The following EN1 variants were observed in gnomAD, a reference collection of about 807,000 sequenced individuals.
EN1 encodes engrailed homeobox 1, also known as homeobox protein engrailed-1.
Under a neutral mutation model 22.9 loss-of-function variants are expected in EN1, and 8 were observed. The observed-to-expected ratio is 0.35, with a 90% CI of 0.20 to 0.63. EN1 has a LOEUF of 0.63. Among genes scored for constraint, EN1 ranks in the 20% least tolerant of loss-of-function variants. EN1 has a pLI of 0.73. For missense variants in EN1, 521 were observed against 572.1 expected, an observed-to-expected ratio of 0.91 and a Z score of 0.91; for synonymous variants, 287 against 262.5, an observed-to-expected ratio of 1.09 and a Z score of -0.90.
At chr2:118,844,244 A>G (rs528113831) in intron 1 of EN1, 289 of 152,220 alleles carry the variant, frequency 1.9e-3, no homozygotes, top group Middle Eastern at 6.8e-3. Context: ...TGACATTTGC[A>G]AGGAGACTGC....
In EN1 at chr2:118,847,092, C is replaced by T. The variant is rs949293245; in HGVS notation, c.76G>A (p.Gly26Ser). 2.8e-6 allele frequency: 4 copies of T among 1,412,116 alleles called. No individual in the cohort carries two copies. Among genetic ancestry groups the T allele is most frequent in the African/African-American group, 3.0e-5 (2 of 66,512 alleles). 87.5% of individuals were successfully genotyped at this position (1,412,116 alleles called of 1,614,324 possible). A position where few individuals can be genotyped will look rare whatever the true frequency, so the allele number is the denominator to read the frequency against. Residue 26 changes from glycine to serine, a missense_variant, in exon 1 of 2, where the codon GGC (glycine) becomes AGC (serine). This residue lies in a region of EN1 where 436 missense variants were observed against 410.1 expected (regional missense o/e 1.06). Transcript: ENST00000295206. ...CCCGGACTGAGGCTCAGGCTGAGGC[C>T]GCCCGGAGTCGCCGCCGCCGCCGCG... ...LGAAAAATPG[G>S]LSLSLSPGAS... is the part of the protein sequence containing the mutation.
At position 118,847,146 on chromosome 2, in the gene EN1, G is replaced by T; in HGVS notation, c.22C>A (p.Pro8Thr). 1 of 1,207,190 alleles carries T rather than the reference G, an allele frequency of 8.3e-7. No homozygotes were observed. The highest frequency in any genetic ancestry group is 1.5e-5 in the South Asian group (1 of 66,598). The allele number at this position is 1,207,190 out of a possible 1,614,324, so 74.8% of individuals were successfully genotyped here. Reference protein sequence around the residue: MEEQQPEPKSQRDSALGA... With the variant: MEEQQPETKSQRDSALGA... Reference sequence around the variant, plus strand: ...AGGGCCGAGTCGCGCTGACTTTTAGGTTCCGGCTGCTGTTCTTCCATGCTC... The same window carrying T: ...AGGGCCGAGTCGCGCTGACTTTTAGTTTCCGGCTGCTGTTCTTCCATGCTC... Residue 8 changes from proline (P) to threonine (T), a missense_variant, in exon 1 of 2, where the codon CCT (proline) becomes ACT (threonine). By Grantham distance (38) the Pro-to-Thr change is conservative. Around this residue, in one of 3 missense-constraint regions of EN1, gnomAD observed 436 missense variants for 410.1 expected, o/e 1.06. Transcript: ENST00000295206.
rs186732449 is a variant in EN1 at position 118,844,997 on chromosome 2, G to A, written c.862+1309C>T. Among the ~76,000 whole-genome samples the A allele has an allele frequency of 1.1e-4, 17 of 152,378 alleles. 1 individual carries two copies. The East Asian group carries it at 3.3e-3, about 29-fold the overall frequency. ...TTCTGCATCCGGGACATGTTGAAGT[G>A]TTGTTGTATGTGTGTGCAGAGGCAC... On this transcript the variant is annotated intron_variant, in intron 1 of 1. Transcript: ENST00000295206.
Position 118,846,815 on chromosome 2 carries a change from T to C in EN1, c.353A>G (p.Lys118Arg). ...DNILRPDFGC[K>R]KEQPPPQLLV... ...AAGCTGCGGTGGCGGCTGCTCCTTT[T>C]TGCAGCCGAAGTCCGGCCTCAGGAT... The change falls in exon 1 of 2, where the codon AAA (lysine) becomes AGA (arginine). Residue 118 changes from lysine (K) to arginine (R), a missense_variant. By Grantham distance (26) the Lys-to-Arg change is conservative. Coordinates refer to ENST00000295206, the MANE Select transcript of EN1 (RefSeq NM_001426.4). This position sits in a 1 kb window ranked among gnomAD's most constrained non-coding sequence, Gnocchi z 5.0. The C allele has an allele frequency of 3.1e-6, 5 of 1,594,982 alleles. No individual in the cohort carries two copies. The highest frequency in any genetic ancestry group is 4.2e-6 in the Non-Finnish European group (5 of 1,176,858).
chr2:118,846,410 A>C lies in EN1; in HGVS notation c.758T>G (p.Met253Arg), dbSNP rs761721630. ...CACGGGCCCGCCGTTGGCTGAGCCC[A>C]TAAGTAGGATAGCCGGGTTGCCGTG... ...PEHGNPAILL[M>R]GSANGGPVVK... The change falls in exon 1 of 2, where the codon ATG becomes AGG. Residue 253 changes from methionine (M) to arginine (R), a missense_variant. Physicochemically the swap from Met to Arg is moderately conservative, Grantham distance 91 (BLOSUM62 -1). Coordinates refer to ENST00000295206, the MANE Select transcript of EN1 (RefSeq NM_001426.4). This position sits in a 1 kb window ranked among gnomAD's most constrained non-coding sequence, Gnocchi z 5.0. 1.2e-6 allele frequency: 2 copies of C among 1,613,454 alleles called. No homozygotes were observed. Among genetic ancestry groups the C allele is most frequent in the Non-Finnish European group, 1.7e-6 (2 of 1,179,910 alleles).
In EN1 at chr2:118,846,891, G is replaced by T. The variant is rs753539334; in HGVS notation, c.277C>A (p.Pro93Thr). The change falls in exon 1 of 2, where the codon CCG (proline) becomes ACG (threonine). Residue 93 changes from proline (P) to threonine (T), a missense_variant. Around this residue, in one of 3 missense-constraint regions of EN1, gnomAD observed 436 missense variants for 410.1 expected, o/e 1.06. Transcript: ENST00000295206. The surrounding 1 kb of genome is among the most constrained non-coding windows in gnomAD (Gnocchi z 5.0). The stretch of plus-strand genomic sequence containing the variant: ...CGGTGCAGCTGGGCCGCTGGCTGCG[G>T]CTGGTGAGCAGGCGCCGCGAGATGC... ...PQHLAAPAHQ[P>T]QPAAQLHRTT... 3 of 1,570,998 alleles carry T rather than the reference G, an allele frequency of 1.9e-6. No homozygotes were observed. In the African/African-American group the frequency reaches 4.2e-5, roughly 22 times the overall value.
chr2:118,846,754 T>C lies in EN1; in HGVS notation c.414A>G (p.Gly138=). Residue 138 remains glycine, a synonymous_variant, in exon 1 of 2, where the codon GGA becomes GGG. Coordinates refer to ENST00000295206, the MANE Select transcript of EN1 (RefSeq NM_001426.4). The surrounding 1 kb of genome is among the most constrained non-coding windows in gnomAD (Gnocchi z 5.0). ...CTCTGTCACGCTCGACCCGGCCTCCTCCTCCTGCGCCTCCTCTGGCCGCCG... is the reference window on the plus strand; with the variant it reads ...CTCTGTCACGCTCGACCCGGCCTCCCCCTCCTGCGCCTCCTCTGGCCGCCG... ...VAAAARGGAG[G]GGRVERDRGQ... is the part of the protein sequence containing the mutation. The C allele has an allele frequency of 6.3e-7, 1 of 1,594,526 alleles. No individual in the cohort carries two copies. The highest frequency in any genetic ancestry group is 1.3e-5 in the African/African-American group (1 of 74,538).
Position 118,846,548 on chromosome 2 carries a change from G to A in EN1, c.620C>T (p.Ala207Val), listed in dbSNP as rs1284033042. ...GGCCGCCGCCGCCGCCGCCACTGCC[G>A]CCGCGGCCGCCGCCGCCGCCGCAGC... is the stretch of plus-strand genomic sequence containing the variant. ...NPAAAAAAAAAAVAAAAAAAA... is the reference protein window; with the variant it reads ...NPAAAAAAAAVAVAAAAAAAA... The change falls in exon 1 of 2, where the codon GCG becomes GTG. Residue 207 changes from alanine to valine, a missense_variant. By Grantham distance (64) the Ala-to-Val change is moderately conservative. Transcript: ENST00000295206. The surrounding 1 kb of genome is among the most constrained non-coding windows in gnomAD (Gnocchi z 5.0). 1.2e-5 allele frequency: 14 copies of A among 1,178,908 alleles called. No individual in the cohort carries two copies. Among genetic ancestry groups the A allele is most frequent in the Non-Finnish European group, 1.5e-5 (14 of 956,436 alleles). 73.0% of individuals were successfully genotyped at this position (1,178,908 alleles called of 1,614,324 possible).
Position 118,847,070 on chromosome 2 carries a change from G to C in EN1, c.98C>G (p.Pro33Arg). The change falls in exon 1 of 2, where the codon CCG becomes CGG. Residue 33 changes from proline (P) to arginine (R), a missense_variant. Pro to Arg is a moderately radical substitution (Grantham distance 103). Transcript: ENST00000295206. The stretch of plus-strand genomic sequence containing the variant: ...GCTGCCGCTGCTGCCGCTGGCGCCC[G>C]GACTGAGGCTCAGGCTGAGGCCGCC... ...TPGGLSLSLS[P>R]GASGSSGSGS... 1 of 1,424,888 alleles carries C rather than the reference G, an allele frequency of 7.0e-7. No homozygotes were observed. Among genetic ancestry groups the C allele is most frequent in the Non-Finnish European group, 9.2e-7 (1 of 1,091,992 alleles). The allele number at this position is 1,424,888 out of a possible 1,614,324, so 88.3% of individuals were successfully genotyped here. A position where few individuals can be genotyped will look rare whatever the true frequency, so the allele number is the denominator to read the frequency against.
intron 1 of EN1, among the ~76,000 whole-genome samples, chr2:118,845,800 A>G (rs1678260177): frequency 6.6e-6 from 1 of 152,280 alleles, no homozygotes; most frequent in Middle Eastern, 3.4e-3. Flanking sequence ...ATGTTTATCA[A>G]TGTAAACGGT....
At position 118,847,176 on chromosome 2, in the gene EN1, GC is replaced by G; in HGVS notation, c.-10del. 1 of 839,378 alleles carries G rather than the reference GC, an allele frequency of 1.2e-6. No homozygotes were observed. Among genetic ancestry groups the G allele is most frequent in the Non-Finnish European group, 1.7e-6 (1 of 597,914 alleles). 52.0% of individuals were successfully genotyped at this position (839,378 alleles called of 1,614,324 possible). A position where few individuals can be genotyped will look rare whatever the true frequency, so the allele number is the denominator to read the frequency against. ...GGCTGCTGTTCTTCCATGCTCGGCC[GC>G]CCCGCCGCCCCGGCCGCCGCGCCGG... is the stretch of plus-strand genomic sequence containing the variant. On this transcript the variant is annotated 5_prime_UTR_variant, in exon 1 of 2. Coordinates refer to ENST00000295206, the MANE Select transcript of EN1 (RefSeq NM_001426.4).
rs1678287308 is a variant in EN1 at position 118,846,966 on chromosome 2, G to C, written c.202C>G (p.Leu68Val). The change falls in exon 1 of 2, where the codon CTG (leucine) becomes GTG (valine). Residue 68 changes from leucine to valine, a missense_variant. Physicochemically the swap from Leu to Val is conservative, Grantham distance 32 (BLOSUM62 1). Transcript: ENST00000295206. The surrounding 1 kb of genome is among the most constrained non-coding windows in gnomAD (Gnocchi z 5.0). ...GGGGGGAGGTGCGGGTGGTGGGCCA[G>C]GGGCGGCAGGCAAGGCGCCGCGGGC... The part of the protein sequence containing the change: ...SPPAAPCLPP[L>V]AHHPHLPPHP... The C allele has an allele frequency of 7.2e-7, 1 of 1,395,070 alleles. No individual in the cohort carries two copies. Among genetic ancestry groups the C allele is most frequent in the Non-Finnish European group, 9.2e-7 (1 of 1,084,394 alleles). The allele number at this position is 1,395,070 out of a possible 1,614,324, so 86.4% of individuals were successfully genotyped here.
rs1678285779 is a variant in EN1, at chr2:118,846,927, G to A, written c.241C>T (p.Pro81Ser). The change falls in exon 1 of 2, where the codon CCG (proline) becomes TCG (serine). Residue 81 changes from proline (P) to serine (S), a missense_variant. Pro to Ser is a moderately conservative substitution (Grantham distance 74). Coordinates refer to ENST00000295206, the MANE Select transcript of EN1 (RefSeq NM_001426.4). This position sits in a 1 kb window ranked among gnomAD's most constrained non-coding sequence, Gnocchi z 5.0. ...GGCGCCGCGAGATGCTGAGGCGGCG[G>A]GGGCGGGGGGTGTGGGGGGAGGTGC... Reference protein sequence around the residue: ...HPHLPPHPPPPPPQHLAAPAH... With the variant: ...HPHLPPHPPPSPPQHLAAPAH... The A allele has an allele frequency of 2.0e-6, 3 of 1,538,064 alleles. No homozygotes were observed. The highest frequency in any genetic ancestry group is 2.6e-6 in the Non-Finnish European group (3 of 1,151,354).
Position 118,846,941 on chromosome 2 carries a change from G to C in EN1, c.227C>G (p.Pro76Arg). ...CTGAGGCGGCGGGGGCGGGGGGTGTGGGGGGAGGTGCGGGTGGTGGGCCAG... is the reference window on the plus strand; with the variant it reads ...CTGAGGCGGCGGGGGCGGGGGGTGTCGGGGGAGGTGCGGGTGGTGGGCCAG... ...PPLAHHPHLP[P>R]HPPPPPPQHL... The change falls in exon 1 of 2, where the codon CCA (proline) becomes CGA (arginine). Residue 76 changes from proline to arginine, a missense_variant. Physicochemically the swap from Pro to Arg is moderately radical, Grantham distance 103. Transcript: ENST00000295206. The surrounding 1 kb of genome is among the most constrained non-coding windows in gnomAD (Gnocchi z 5.0). 6.8e-7 allele frequency: 1 copy of C among 1,478,104 alleles called. No homozygotes were observed. Among genetic ancestry groups the C allele is most frequent in the Non-Finnish European group, 8.9e-7 (1 of 1,120,870 alleles). 91.6% of individuals were successfully genotyped at this position (1,478,104 alleles called of 1,614,324 possible).
Position 118,843,017 on chromosome 2 carries a change from C to A in EN1, c.1100G>T (p.Gly367Val), listed in dbSNP as rs746164063. 2 of 1,614,132 alleles carry A rather than the reference C, an allele frequency of 1.2e-6. No individual in the cohort carries two copies. Among genetic ancestry groups the A allele is most frequent in the East Asian group, 2.2e-5 (1 of 44,866 alleles). The change falls in exon 2 of 2, where the codon GGC (glycine) becomes GTC (valine). Residue 367 changes from glycine to valine, a missense_variant. Gly to Val is a moderately radical substitution (Grantham distance 109). Transcript: ENST00000295206. ...CTGGGCCATGAGGTGCAGCGCCAGGCCGTTCTTGATGCCTGTGGCTTTCTT... is the reference window on the plus strand; with the variant it reads ...CTGGGCCATGAGGTGCAGCGCCAGGACGTTCTTGATGCCTGTGGCTTTCTT... ...KIKKATGIKN[G>V]LALHLMAQGL... is the part of the protein sequence containing the mutation.
rs145326362 is a variant in EN1, at chr2:118,843,167, C to A, written c.950G>T (p.Arg317Ile). The change falls in exon 2 of 2, where the codon AGA (arginine) becomes ATA (isoleucine). Residue 317 changes from arginine (R) to isoleucine (I), a missense_variant. Arg to Ile is a moderately conservative substitution (Grantham distance 97). Coordinates refer to ENST00000295206, the MANE Select transcript of EN1 (RefSeq NM_001426.4). ...RTAFTAEQLQ[R>I]LKAEFQANRY... is the part of the protein sequence containing the mutation. Reference sequence around the variant, plus strand: ...GTTTGCCTGGAACTCCGCCTTGAGTCTCTGCAGCTGCTCGGCCGTGAACGC... The same window carrying A: ...GTTTGCCTGGAACTCCGCCTTGAGTATCTGCAGCTGCTCGGCCGTGAACGC... 9.9e-6 allele frequency: 16 copies of A among 1,608,824 alleles called. 1 individual carries two copies. In the Admixed American group the frequency reaches 2.7e-4, roughly 27 times the overall value.
rs755485466 is a variant in EN1, at chr2:118,846,265, G to A, written c.862+41C>T. 3.8e-6 allele frequency: 6 copies of A among 1,589,372 alleles called. No individual in the cohort carries two copies. In the Admixed American group the frequency reaches 1.1e-4, roughly 28 times the overall value. On this transcript the variant is annotated intron_variant, in intron 1 of 1. Coordinates refer to ENST00000295206, the MANE Select transcript of EN1 (RefSeq NM_001426.4). This position sits in a 1 kb window ranked among gnomAD's most constrained non-coding sequence, Gnocchi z 5.0. ...AGCTTGGCGTTCTGGGGCGGTCCGC[G>A]GGGCCAGAAGGCATGGCGCAGCCCG... is the stretch of plus-strand genomic sequence containing the variant.
chr2:118,846,594 C>A lies in EN1; in HGVS notation c.574G>T (p.Ala192Ser), dbSNP rs1412409838. 3.6e-6 allele frequency: 5 copies of A among 1,382,450 alleles called. No homozygotes were observed. The African/African-American group carries it at 4.6e-5, about 13-fold the overall frequency. The allele number at this position is 1,382,450 out of a possible 1,614,324, so 85.6% of individuals were successfully genotyped here. Residue 192 changes from alanine (A) to serine (S), a missense_variant, in exon 1 of 2, where the codon GCG (alanine) becomes TCG (serine). Physicochemically the swap from Ala to Ser is moderately conservative, Grantham distance 99. This residue lies in a region of EN1 where 436 missense variants were observed against 410.1 expected (regional missense o/e 1.06). Transcript: ENST00000295206. The surrounding 1 kb of genome is among the most constrained non-coding windows in gnomAD (Gnocchi z 5.0). ...GCAGCCGGGTTCCCAGCTTTAGACG[C>A]GCCCGCGCCGGCGGCGGCTGGCTGG... ...GSQPAAAGAG[A>S]SKAGNPAAAA...
At chr2:118,844,684 C>G (rs1678241858) in intron 1 of EN1, among the ~76,000 whole-genome samples, 1 of 152,210 alleles carries the variant, frequency 6.6e-6, no homozygotes, top group South Asian at 2.1e-4. Context: ...CAGCCTACTC[C>G]TGGGGCAGGC....
Sources: allele counts gnomAD v4.1 joint callset (sites outside exome capture counted in the v4.1 genomes callset), GRCh38; gene constraint gnomAD v4.1.1; regional missense constraint gnomAD v4.1.1; non-coding constraint Gnocchi (gnomAD v3.1); transcripts MANE v1.5; gene names NCBI Gene and HGNC (gene_info 2026-07-23, HGNC 2026-07-21).